NAALADL2: variants seen among roughly 807,000 people sequenced by gnomAD.
NAALADL2 encodes N-acetylated alpha-linked acidic dipeptidase like 2, also known as inactive N-acetylated-alpha-linked acidic dipeptidase-like protein 2.
NAALADL2 carries 76 observed loss-of-function variants against 87.2 expected under a neutral mutation model. The ratio of observed to expected loss-of-function variants is 0.87; its 90% CI spans 0.72 to 1.05. The LOEUF (loss-of-function observed/expected upper bound fraction) is 1.05, where lower values mean the gene tolerates loss of function less well. Ranked by LOEUF, NAALADL2 falls within the 50% of genes least tolerant of loss-of-function variation. The probability of loss-of-function intolerance (pLI) is 0.00; values close to 1 mark genes in which losing one functional copy is unlikely to be tolerated. For synonymous variants in NAALADL2, 354 were observed against 331.0 expected, an observed-to-expected ratio of 1.07 and a Z score of -0.75; for missense variants, 1,089 against 945.8, an observed-to-expected ratio of 1.15 and a Z score of -1.99.
intron 2 of NAALADL2, among the ~76,000 whole-genome samples, chr3:174,712,534 C>T (rs1578644620): frequency 6.6e-6 from 1 of 151,484 alleles, no homozygotes; most frequent in Admixed American, 6.6e-5. Flanking sequence ...ACTACAGGCA[C>T]CTGCCACCAG....
At chr3:175,556,798 C>A (rs1715350216) in intron 9 of NAALADL2, among the ~76,000 whole-genome samples, 1 of 152,164 alleles carries the variant, frequency 6.6e-6, no homozygotes, top group Non-Finnish European at 1.5e-5. Context: ...TTTCTCTAAT[C>A]TCTTATCCCT....
chr3:175,744,937 T>C (rs7648867), intron 12 of NAALADL2, among the ~76,000 whole-genome samples: 1 of 151,682 alleles, frequency 6.6e-6, no homozygotes, highest in Non-Finnish European at 1.5e-5. Context: ...TGATTACTAT[T>C]AATTTCTCAA....
chr3:174,657,464 A>C (rs1725079508), intron 2 of NAALADL2, among the ~76,000 whole-genome samples: 1 of 152,036 alleles, frequency 6.6e-6, no homozygotes, highest in South Asian at 2.1e-4. Flanking sequence ...GCCACAAAAA[A>C]ATTTTTAAGA....
At chr3:175,161,206 T>C (rs1333317451) in intron 2 of NAALADL2, among the ~76,000 whole-genome samples, 5 of 151,998 alleles carry the variant, frequency 3.3e-5, no homozygotes, top group African/African-American at 7.3e-5. Flanking sequence ...AGAGTCCAGG[T>C]TCTTGTCTGC....
chr3:175,012,967 G>GTGTGTA (rs1553916621), intron 1 of NAALADL2, among the ~76,000 whole-genome samples: 2 of 126,992 alleles, frequency 1.6e-5, no homozygotes, highest in African/African-American at 6.8e-5. Flanking sequence ...AGATGTGTGT[G>GTGTGTA]TATATATATA....
At chr3:175,802,327 T>TGG (rs200726068) in intron 13 of NAALADL2, among the ~76,000 whole-genome samples, 122 of 144,416 alleles carry the variant, frequency 8.4e-4, no homozygotes, top group Middle Eastern at 3.5e-3. Flanking sequence ...TGATTTTTTT[T>TGG]TGGGGGGGGA....
At chr3:175,333,674 G>C (rs1157425706) in intron 5 of NAALADL2, among the ~76,000 whole-genome samples, 1 of 148,880 alleles carries the variant, frequency 6.7e-6, no homozygotes, top group Non-Finnish European at 1.5e-5. Context: ...TGTGGGTAGA[G>C]GTGTGGTGGG....
intron 10 of NAALADL2, among the ~76,000 whole-genome samples, chr3:175,597,846 A>T (rs1457405178): frequency 6.6e-6 from 1 of 152,046 alleles, no homozygotes. Flanking sequence ...TAGAGTTTGC[A>T]CAGTTTCTAG....
rs772602510 is a variant in NAALADL2 at position 175,395,216 on chromosome 3, A to T, written c.1091-52013A>T. On this transcript the variant is annotated intron_variant, in intron 5 of 13. Coordinates refer to ENST00000454872, the MANE Select transcript of NAALADL2 (RefSeq NM_207015.3). The stretch of plus-strand genomic sequence containing the variant: ...CACATCCCAGGCAGGATGGTGGGGG[A>T]CAGTGCAAGATTTCATTACACTACT... Among the ~76,000 whole-genome samples, 30 of 152,074 alleles carry T rather than the reference A, an allele frequency of 2.0e-4. 1 individual carries two copies. Among genetic ancestry groups the T allele is most frequent in the Admixed American group, 1.6e-3 (25 of 15,254 alleles).
intron 3 of NAALADL2, among the ~76,000 whole-genome samples, chr3:174,767,257 A>G (rs1476902411): frequency 6.6e-6 from 1 of 152,206 alleles, no homozygotes; most frequent in East Asian, 1.9e-4. Flanking sequence ...ATCAGAGCAG[A>G]TTAGACCTTT....
intron 11 of NAALADL2, among the ~76,000 whole-genome samples, chr3:175,730,395 G>GAT (rs5854656): frequency 7.7e-3 from 426 of 55,676 alleles, no homozygotes; most frequent in South Asian, 0.012. Flanking sequence ...ACTTAATACA[G>GAT]ATATATATAT....
At chr3:174,681,487 C>G (rs894371932) in intron 2 of NAALADL2, among the ~76,000 whole-genome samples, 2 of 152,082 alleles carry the variant, frequency 1.3e-5, no homozygotes, top group Non-Finnish European at 2.9e-5. Flanking sequence ...GGTCTTGCAA[C>G]TTGGATAGTA....
chr3:175,083,563 C>A (rs1365623417), intron 1 of NAALADL2, among the ~76,000 whole-genome samples: 1 of 152,096 alleles, frequency 6.6e-6, no homozygotes, highest in African/African-American at 2.4e-5. Flanking sequence ...GAGTTCATAG[C>A]TAGTAATTGT....
At chr3:175,501,583 C>T (rs1420538309) in intron 9 of NAALADL2, among the ~76,000 whole-genome samples, 2 of 152,014 alleles carry the variant, frequency 1.3e-5, no homozygotes, top group African/African-American at 2.4e-5. Context: ...AGACAGATAA[C>T]AAACAGGTAA....
chr3:174,813,464 T>G (rs1200672987), intron 3 of NAALADL2, among the ~76,000 whole-genome samples: 1 of 152,136 alleles, frequency 6.6e-6, no homozygotes, highest in African/African-American at 2.4e-5. Context: ...TTCAGTATAG[T>G]TTTAATAAAA....
At chr3:174,981,198 A>C (rs9836195) in intron 1 of NAALADL2, among the ~76,000 whole-genome samples, 16,527 of 152,198 alleles carry the variant, frequency 0.11, 2,206 homozygotes, top group African/African-American at 0.32. Flanking sequence ...ATTATTTTAA[A>C]ATACTGCTGC....
chr3:175,232,163 G>C (rs886892465), intron 2 of NAALADL2, among the ~76,000 whole-genome samples: 6 of 151,208 alleles, frequency 4.0e-5, no homozygotes, highest in African/African-American at 1.5e-4. Context: ...GAAGAAGGGG[G>C]AGGAGGAGGA....
chr3:175,136,334 T>C (rs767794683), intron 2 of NAALADL2, among the ~76,000 whole-genome samples: 1 of 152,176 alleles, frequency 6.6e-6, no homozygotes, highest in Non-Finnish European at 1.5e-5. Context: ...CATGGATATT[T>C]GGTGTCACTG....
At chr3:174,878,105 A>G (rs1728727934) in intron 1 of NAALADL2, among the ~76,000 whole-genome samples, 1 of 152,100 alleles carries the variant, frequency 6.6e-6, no homozygotes. Context: ...TGATTTTGAA[A>G]TAGCTTTTCA....
Sources: gnomAD v4.1 joint callset for allele counts (sites outside exome capture counted in the v4.1 genomes callset) on GRCh38, gnomAD v4.1.1 for gene constraint, MANE v1.5 for transcripts, NCBI Gene and HGNC (gene_info 2026-07-23, HGNC 2026-07-21) for gene names.